The following ICA1L variants were observed in gnomAD, a reference collection of about 807,000 sequenced individuals.
ICA1L encodes the protein islet cell autoantigen 1 like, also known as islet cell autoantigen 1-like protein.
A neutral mutation model predicts 61.3 loss-of-function variants in ICA1L; 50 were observed. The ratio of observed to expected loss-of-function variants is 0.82; its 90% confidence interval spans 0.65 to 1.03. ICA1L has a LOEUF of 1.03. ICA1L is among the 50% of genes least tolerant of loss of function. The pLI, the probability that ICA1L is intolerant of heterozygous loss-of-function variation, is 0.00. For missense variants in ICA1L, 508 were observed against 556.7 expected, an observed-to-expected ratio of 0.91 and a Z score of 0.88; for synonymous variants, 161 against 191.3, an observed-to-expected ratio of 0.84 and a Z score of 1.31.
At chr2:202,819,945 T>A (rs768706792) in intron 4 of ICA1L, 46 bp from the exon 5 acceptor site, 1 of 1,413,518 alleles carries the variant, frequency 7.1e-7, no homozygotes, top group Non-Finnish European at 9.9e-7. Flanking sequence ...ACATCATAAG[T>A]AAAACAAAAC....
Position 202,775,625 on chromosome 2 carries a change from T to G in ICA1L, c.*3908A>C, listed in dbSNP as rs1205873299. ...CCTCCACCTCCCGGGTTCAAGCGAT[T>G]CTCCTGCCTCAGCCTCCCAAGTAGC... On this transcript the variant is annotated 3_prime_UTR_variant, in exon 13 of 13. Transcript: ENST00000358299. The G allele has an allele frequency of 6.6e-6, 1 of 152,262 alleles. No individual in the cohort carries two copies. Among genetic ancestry groups the G allele is most frequent in the Admixed American group, 6.5e-5 (1 of 15,276 alleles). 9.4% of individuals were successfully genotyped at this position (152,262 alleles called of 1,614,324 possible).
At chr2:202,780,908 C>G (rs868426220) in intron 12 of ICA1L, among the ~76,000 whole-genome samples, 28 of 152,062 alleles carry the variant, frequency 1.8e-4, no homozygotes, top group African/African-American at 6.5e-4. Context: ...AAGTAGTAAC[C>G]ATATGATTCA....
chr2:202,853,351 C>T (rs1420589491), intron 1 of ICA1L, among the ~76,000 whole-genome samples: 4 of 139,674 alleles, frequency 2.9e-5, no homozygotes, highest in Non-Finnish European at 4.6e-5. Context: ...AGCGAGACTC[C>T]GTCAAAAAAA....
chr2:202,825,512 A>G, intron 3 of ICA1L, 183 bp downstream of exon 3: 1 of 1,331,688 alleles, frequency 7.5e-7, no homozygotes, highest in South Asian at 1.9e-5. Context: ...GGGTCAGAGG[A>G]TTTGATTAAC....
chr2:202,826,771 C>T (rs1440107646), intron 2 of ICA1L, among the ~76,000 whole-genome samples: 2 of 150,802 alleles, frequency 1.3e-5, no homozygotes, highest in Admixed American at 6.6e-5. Flanking sequence ...TTTAGCAAGG[C>T]CTGTCTGTTC....
chr2:202,803,932 TAA>T (rs1044029755), intron 9 of ICA1L, among the ~76,000 whole-genome samples: 1 of 152,154 alleles, frequency 6.6e-6, no homozygotes, highest in Non-Finnish European at 1.5e-5. Context: ...CTGTAGAAAG[TAA>T]AAAGTTTCTT....
chr2:202,855,704 A>G (rs999650235), intron 1 of ICA1L, among the ~76,000 whole-genome samples: 1 of 152,184 alleles, frequency 6.6e-6, no homozygotes, highest in Admixed American at 6.5e-5. Context: ...GCCTAGGACC[A>G]GATGGATTCA....
intron 7 of ICA1L, among the ~76,000 whole-genome samples, chr2:202,815,193 TAA>T (rs1256278164): frequency 1.3e-5 from 2 of 152,168 alleles, no homozygotes; most frequent in African/African-American, 4.8e-5. Context: ...TTTATTATAT[TAA>T]AAGTAAAAAC....
At chr2:202,794,083 T>TA (rs1692841987) in intron 10 of ICA1L, among the ~76,000 whole-genome samples, 1 of 151,906 alleles carries the variant, frequency 6.6e-6, no homozygotes, top group Non-Finnish European at 1.5e-5. Context: ...GCAAACATGA[T>TA]ATAGTATCAG....
intron 1 of ICA1L, among the ~76,000 whole-genome samples, chr2:202,854,573 A>C (rs796543552): frequency 6.6e-6 from 1 of 152,188 alleles, no homozygotes; most frequent in Admixed American, 6.6e-5. Context: ...CTCCACCCCA[A>C]ATCAACAGAA....
At chr2:202,811,132 C>T (rs560490157) in intron 9 of ICA1L, among the ~76,000 whole-genome samples, 1 of 152,224 alleles carries the variant, frequency 6.6e-6, no homozygotes, top group South Asian at 2.1e-4. Context: ...TTGAAAATCA[C>T]TAATAAAAAC....
At chr2:202,813,813 C>T (rs970955425) in intron 8 of ICA1L, among the ~76,000 whole-genome samples, 11 of 152,146 alleles carry the variant, frequency 7.2e-5, no homozygotes, top group East Asian at 1.9e-4. Flanking sequence ...AGGATGTACA[C>T]GGCAACAGCC....
At chr2:202,797,577 A>G (rs1692969811) in intron 9 of ICA1L, among the ~76,000 whole-genome samples, 1 of 152,230 alleles carries the variant, frequency 6.6e-6, no homozygotes, top group Non-Finnish European at 1.5e-5. Context: ...GCTGGAGTGC[A>G]GTGGCACAAT....
At chr2:202,863,268 G>C (rs935324545) in intron 1 of ICA1L, among the ~76,000 whole-genome samples, 3 of 152,040 alleles carry the variant, frequency 2.0e-5, no homozygotes, top group African/African-American at 7.2e-5. Context: ...CTCCAGCCTA[G>C]GTGACAAAGT....
At chr2:202,806,660 G>A (rs1241953339) in intron 9 of ICA1L, among the ~76,000 whole-genome samples, 1 of 150,516 alleles carries the variant, frequency 6.6e-6, no homozygotes, top group African/African-American at 2.4e-5. Flanking sequence ...AAAAAAAAAA[G>A]AAGAAAAGGT....
At chr2:202,842,777 T>C (rs574686422) in intron 1 of ICA1L, among the ~76,000 whole-genome samples, 2 of 152,334 alleles carry the variant, frequency 1.3e-5, no homozygotes, top group South Asian at 4.1e-4. Flanking sequence ...TAAACTCCTA[T>C]AACTAGGATA....
intron 8 of ICA1L, 26 bp downstream of exon 8, chr2:202,814,676 G>A: frequency 6.6e-7 from 1 of 1,504,636 alleles, no homozygotes. Flanking sequence ...TCTATAACAT[G>A]ACACAGATGA....
intron 5 of ICA1L, among the ~76,000 whole-genome samples, chr2:202,818,960 A>G (rs1009893203): frequency 3.9e-5 from 6 of 152,242 alleles, no homozygotes; most frequent in African/African-American, 1.2e-4. Flanking sequence ...ATGTTGTTCA[A>G]TCACTCCCTT....
rs529799473 is a variant in ICA1L at position 202,800,005 on chromosome 2, G to T, written c.911-3041C>A. On this transcript the variant is annotated intron_variant, in intron 9 of 12. Transcript: ENST00000358299. ...CGATTCTCCTGCCTCAGCCTCCAGA[G>T]TAGCAGGGATTACAGGTACGCACTG... is the stretch of plus-strand genomic sequence containing the variant. Among the ~76,000 whole-genome samples, 3 of 151,802 alleles carry T rather than the reference G, an allele frequency of 2.0e-5. No homozygotes were observed. The South Asian group carries it at 6.2e-4, about 32-fold the overall frequency.
Sources: allele counts gnomAD v4.1 joint callset (sites outside exome capture counted in the v4.1 genomes callset), GRCh38; gene constraint gnomAD v4.1.1; transcripts MANE v1.5; gene names NCBI Gene and HGNC (gene_info 2026-07-23, HGNC 2026-07-21).